PTPRA: variants seen among roughly 807,000 people sequenced by gnomAD.
The protein encoded by PTPRA is protein tyrosine phosphatase receptor type A.
PTPRA carries 25 observed loss-of-function variants against 104.8 expected under a neutral mutation model. The ratio of observed to expected loss-of-function variants is 0.24; its 90% CI spans 0.17 to 0.33. The LOEUF (loss-of-function observed/expected upper bound fraction) is 0.33. Among genes scored for constraint, PTPRA ranks in the 10% least tolerant of loss-of-function variants. PTPRA has a pLI of 1.00. For missense variants in PTPRA, 765 were observed against 1,015.3 expected (o/e 0.75, Z 3.35); for synonymous variants, 323 against 368.9 (o/e 0.88, Z 1.43).
At chr20:2,964,452 T>C (rs968316998) in intron 4 of PTPRA, 102 bp downstream of exon 4, 2 of 1,027,068 alleles carry the variant, frequency 1.9e-6, no homozygotes. Context: ...GAAAGGAATA[T>C]AAAAATTTTA....
At chr20:3,029,500 T>G (rs1442193621) in intron 20 of PTPRA, among the ~76,000 whole-genome samples, 1 of 147,284 alleles carries the variant, frequency 6.8e-6, no homozygotes, top group East Asian at 2.1e-4. Flanking sequence ...ACTTGTATCA[T>G]GTACCTAATC....
chr20:2,913,113 C>T (rs540215390), intron 1 of PTPRA, among the ~76,000 whole-genome samples: 2 of 152,224 alleles, frequency 1.3e-5, no homozygotes, highest in South Asian at 2.1e-4. Flanking sequence ...CGGTGGCTCA[C>T]GCCTGTAATC....
At position 2,988,447 on chromosome 20, in the gene PTPRA, C is replaced by T. The variant is rs527401514; in HGVS notation, c.711C>T (p.Asp237=). The T allele has an allele frequency of 3.7e-5, 59 of 1,613,260 alleles. No homozygotes were observed. Among genetic ancestry groups the T allele is most frequent in the South Asian group, 2.6e-4 (24 of 90,968 alleles). The change falls in exon 9 of 24, where the codon GAC becomes GAT. Residue 237 remains aspartate, a synonymous_variant. Coordinates refer to ENST00000399903, the MANE Select transcript of PTPRA (RefSeq NM_001385305.1). The stretch of plus-strand genomic sequence containing the variant: ...AAATTAACCGGAGAATGGCAGACGA[C>T]AATAAGCTCTTCAGGGAGGAATTCA... ...EEEINRRMAD[D]NKLFREEFNA... is the part of the protein sequence containing the mutation.
At chr20:2,865,306 C>G in the PTPRA span, 1 of 1,614,170 alleles carries the variant, frequency 6.2e-7, no homozygotes, top group Middle Eastern at 1.7e-4. This position sits in a 1 kb window ranked among gnomAD's most constrained non-coding sequence, Gnocchi z 5.2. Flanking sequence ...ACTTCCGCAT[C>G]CCTGACAAGA....
chr20:3,010,954 T>G (rs2064143826), intron 11 of PTPRA, among the ~76,000 whole-genome samples: 1 of 152,244 alleles, frequency 6.6e-6, no homozygotes, highest in African/African-American at 2.4e-5. Context: ...TTTGAGTTAG[T>G]AACCAGCAGC....
At chr20:2,896,123 C>T (rs1414603056) in intron 1 of PTPRA, among the ~76,000 whole-genome samples, 2 of 151,946 alleles carry the variant, frequency 1.3e-5, no homozygotes, top group African/African-American at 4.8e-5. Flanking sequence ...ACCTGTAATC[C>T]CAGCACTTTG....
intron 11 of PTPRA, among the ~76,000 whole-genome samples, chr20:3,012,183 C>T (rs1314766509): frequency 1.3e-5 from 2 of 152,064 alleles, no homozygotes; most frequent in South Asian, 4.2e-4. Flanking sequence ...TTATCTAGGC[C>T]GTGGGGTACC....
intron 9 of PTPRA, among the ~76,000 whole-genome samples, chr20:2,998,498 C>A (rs1413483693): frequency 6.6e-6 from 1 of 152,110 alleles, no homozygotes; most frequent in East Asian, 1.9e-4. Context: ...TTCCACTGTC[C>A]AGAGAGTTGG....
At chr20:2,888,754 T>C (rs558537794) in intron 1 of PTPRA, among the ~76,000 whole-genome samples, 2 of 152,308 alleles carry the variant, frequency 1.3e-5, no homozygotes, top group South Asian at 4.1e-4. Flanking sequence ...ACAAGTACTA[T>C]GAGCAATACT....
intron 1 of PTPRA, among the ~76,000 whole-genome samples, chr20:2,879,865 C>T (rs533448756): frequency 6.0e-4 from 92 of 152,280 alleles, no homozygotes; most frequent in Non-Finnish European, 1.2e-3. Context: ...TGTACCATCT[C>T]ATTTTGTGTA....
At chr20:2,864,788 G>T in the PTPRA span, 5 of 1,166,546 alleles carry the variant, frequency 4.3e-6, no homozygotes, top group Non-Finnish European at 6.2e-6. This position sits in a 1 kb window ranked among gnomAD's most constrained non-coding sequence, Gnocchi z 5.2. Flanking sequence ...AGACTCTGAC[G>T]TGAGGCCAGG....
chr20:3,036,133 A>G (rs2065788372), intron 22 of PTPRA, among the ~76,000 whole-genome samples, 192 bp downstream of exon 22: 3 of 152,204 alleles, frequency 2.0e-5, no homozygotes, highest in African/African-American at 2.4e-5. Flanking sequence ...ACTTGGCACA[A>G]TAAGTGCTAG....
At chr20:2,864,953 C>G in the PTPRA span, 1 of 1,613,986 alleles carries the variant, frequency 6.2e-7, no homozygotes, top group Non-Finnish European at 8.5e-7. This position sits in a 1 kb window ranked among gnomAD's most constrained non-coding sequence, Gnocchi z 5.2. Flanking sequence ...GCTGTGAGTT[C>G]AGGCCTTCCT....
chr20:3,031,133 T>C (rs1355759152), intron 20 of PTPRA, among the ~76,000 whole-genome samples: 1 of 152,140 alleles, frequency 6.6e-6, no homozygotes, highest in Non-Finnish European at 1.5e-5. Flanking sequence ...CTAGGCCTCA[T>C]CCTGCTTCTC....
At chr20:2,914,144 T>C (rs619450) in intron 1 of PTPRA, among the ~76,000 whole-genome samples, 91,252 of 152,010 alleles carry the variant, frequency 0.6, 28,439 homozygotes, top group East Asian at 0.77. Context: ...AGCTGGCTTC[T>C]GTATCCTTTT....
chr20:2,910,058 CATATATA>C, intron 1 of PTPRA, among the ~76,000 whole-genome samples: 1 of 106,070 alleles, frequency 9.4e-6, no homozygotes, highest in South Asian at 2.5e-4. Flanking sequence ...TATATCATAT[CATATATA>C]ATATATATGA....
At chr20:2,911,834 A>G (rs1215347645) in intron 1 of PTPRA, among the ~76,000 whole-genome samples, 2 of 152,154 alleles carry the variant, frequency 1.3e-5, no homozygotes, top group African/African-American at 4.8e-5. Context: ...TAGAGAAGAC[A>G]TGGATATCAA....
At chr20:2,984,848 C>T (rs575693090) in intron 6 of PTPRA, among the ~76,000 whole-genome samples, 1 of 152,098 alleles carries the variant, frequency 6.6e-6, no homozygotes, top group Non-Finnish European at 1.5e-5. Flanking sequence ...TGGTTCACTT[C>T]ACGTTATTTA....
At chr20:2,887,903 T>C (rs1402073464) in intron 1 of PTPRA, among the ~76,000 whole-genome samples, 4 of 152,206 alleles carry the variant, frequency 2.6e-5, no homozygotes, top group African/African-American at 9.6e-5. Flanking sequence ...CCTGACTCAG[T>C]GCCTCTGCTC....
Sources: gnomAD v4.1 joint callset for allele counts (sites outside exome capture counted in the v4.1 genomes callset) on GRCh38, gnomAD v4.1.1 for gene constraint, Gnocchi (gnomAD v3.1) non-coding constraint, MANE v1.5 for transcripts, NCBI Gene and HGNC (gene_info 2026-07-23, HGNC 2026-07-21) for gene names.